Variants in CSMD1 observed in about 807,000 individuals in gnomAD.
CSMD1 encodes CUB and sushi domain-containing protein 1.
In CSMD1, 213 loss-of-function variants were observed where a neutral mutation model predicts 417.5. The observed-to-expected ratio is 0.51, with a 90% CI of 0.46 to 0.57. The LOEUF is 0.57. CSMD1 is among the 20% of genes least tolerant of loss of function. CSMD1 has a pLI of 0.00. For synonymous variants in CSMD1, 2,862 were observed against 1,736.8 expected (o/e 1.65, Z -16.11); for missense variants, 6,923 against 4,529.7 (o/e 1.53, Z -15.17).
chr8:3,087,683 A>G (rs1031028248), intron 48 of CSMD1, among the ~76,000 whole-genome samples: 2 of 152,260 alleles, frequency 1.3e-5, no homozygotes, highest in Non-Finnish European at 2.9e-5. Context: ...ATGTTTTAAG[A>G]AAGTTTACAA....
intron 10 of CSMD1, among the ~76,000 whole-genome samples, chr8:3,494,581 T>C (rs900155687): frequency 6.7e-6 from 1 of 149,720 alleles, no homozygotes; most frequent in African/African-American, 2.5e-5. Context: ...GATAGATAGA[T>C]AGATAGATAG....
chr8:4,238,202 A>G (rs1247739261), intron 3 of CSMD1, among the ~76,000 whole-genome samples: 1 of 152,128 alleles, frequency 6.6e-6, no homozygotes, highest in Non-Finnish European at 1.5e-5. Context: ...CGATATTAAC[A>G]CACTCCCACC....
intron 5 of CSMD1, among the ~76,000 whole-genome samples, chr8:3,876,592 C>A (rs1805839723): frequency 6.6e-6 from 1 of 152,032 alleles, no homozygotes; most frequent in African/African-American, 2.4e-5. Flanking sequence ...TTTTATCATG[C>A]TTCATGGTAT....
chr8:4,452,977 G>A (rs993712339), intron 2 of CSMD1, among the ~76,000 whole-genome samples: 3 of 152,214 alleles, frequency 2.0e-5, no homozygotes, highest in Middle Eastern at 3.4e-3. Context: ...TTTGTTTCTG[G>A]AGTTGCAGAG....
chr8:4,079,573 A>G (rs1281930188), intron 3 of CSMD1, among the ~76,000 whole-genome samples: 1 of 152,212 alleles, frequency 6.6e-6, no homozygotes, highest in Non-Finnish European at 1.5e-5. Flanking sequence ...CTTCACTTTA[A>G]AGTAAAAACA....
At chr8:3,468,963 G>C in intron 11 of CSMD1, 139 bp from the exon 12 acceptor site, 1 of 567,484 alleles carries the variant, frequency 1.8e-6, no homozygotes, top group Middle Eastern at 4.7e-4. Flanking sequence ...AGACTGTACA[G>C]CCTCTGGTCC....
intron 68 of CSMD1, among the ~76,000 whole-genome samples, chr8:2,948,931 T>G (rs1251973710): frequency 6.6e-6 from 1 of 151,904 alleles, no homozygotes; most frequent in Non-Finnish European, 1.5e-5. Flanking sequence ...CTGAAGATCT[T>G]TTTATATGTT....
At chr8:4,314,272 T>G (rs929336212) in intron 3 of CSMD1, among the ~76,000 whole-genome samples, 1 of 152,102 alleles carries the variant, frequency 6.6e-6, no homozygotes, top group African/African-American at 2.4e-5. Context: ...AAACTCTTAG[T>G]TACAATCGAC....
intron 2 of CSMD1, among the ~76,000 whole-genome samples, chr8:4,583,127 C>G (rs1359276876): frequency 6.6e-6 from 1 of 152,202 alleles, no homozygotes; most frequent in African/African-American, 2.4e-5. Flanking sequence ...CCATGGGCTC[C>G]TGTGCGGCCC....
intron 5 of CSMD1, among the ~76,000 whole-genome samples, chr8:3,957,411 C>G (rs1339846381): frequency 6.6e-6 from 1 of 152,166 alleles, no homozygotes; most frequent in Admixed American, 6.5e-5. Flanking sequence ...GGAGCAGTGG[C>G]TCCCACCTGT....
chr8:3,070,622 A>G (rs1813267824), intron 49 of CSMD1, among the ~76,000 whole-genome samples: 1 of 152,198 alleles, frequency 6.6e-6, no homozygotes, highest in South Asian at 2.1e-4. Context: ...TCTCATTTCC[A>G]TCTGAGACCC....
intron 1 of CSMD1, among the ~76,000 whole-genome samples, chr8:4,844,158 G>A (rs1027577989): frequency 6.6e-6 from 1 of 152,064 alleles, no homozygotes; most frequent in Non-Finnish European, 1.5e-5. Context: ...AACCAAATAT[G>A]AGTCAAGTTC....
intron 3 of CSMD1, among the ~76,000 whole-genome samples, chr8:4,124,209 C>A (rs1444510471): frequency 6.6e-6 from 1 of 152,060 alleles, no homozygotes; most frequent in Admixed American, 6.5e-5. Context: ...CAGGAGGAAG[C>A]TTCAGGGCTC....
intron 2 of CSMD1, among the ~76,000 whole-genome samples, chr8:4,611,391 CT>C (rs1801160708): frequency 6.6e-6 from 1 of 152,194 alleles, no homozygotes. Flanking sequence ...CACTGGCTAT[CT>C]GGTTAGTTCT....
At chr8:3,347,346 G>A (rs954766216) in intron 22 of CSMD1, among the ~76,000 whole-genome samples, 2 of 152,198 alleles carry the variant, frequency 1.3e-5, no homozygotes, top group Non-Finnish European at 2.9e-5. Flanking sequence ...ACTCTTAGAA[G>A]TTAAGGGCAT....
intron 3 of CSMD1, among the ~76,000 whole-genome samples, chr8:4,205,805 G>T (rs543924398): frequency 1.3e-5 from 2 of 151,996 alleles, no homozygotes; most frequent in Admixed American, 1.3e-4. Flanking sequence ...ATTTGTGGGG[G>T]TAAAAATGGA....
chr8:3,513,937 G>A (rs748543753), intron 10 of CSMD1, among the ~76,000 whole-genome samples: 3 of 152,240 alleles, frequency 2.0e-5, no homozygotes, highest in Non-Finnish European at 4.4e-5. Context: ...GGGGCCATTA[G>A]AAGTGAGAGT....
chr8:4,085,237 G>A (rs749972235), intron 3 of CSMD1, among the ~76,000 whole-genome samples: 1 of 152,034 alleles, frequency 6.6e-6, no homozygotes, highest in Admixed American at 6.6e-5. Context: ...ATTGATTTAG[G>A]GACCCTGACA....
chr8:4,434,812 C>T (rs1484528331), intron 2 of CSMD1, among the ~76,000 whole-genome samples: 3 of 152,180 alleles, frequency 2.0e-5, no homozygotes, highest in Non-Finnish European at 2.9e-5. Context: ...TGAAGCCCTA[C>T]TTCACCAGGG....
Sources: gnomAD v4.1 joint callset for allele counts (sites outside exome capture counted in the v4.1 genomes callset) on GRCh38, gnomAD v4.1.1 for gene constraint, MANE v1.5 for transcripts, NCBI Gene and HGNC (gene_info 2026-07-23, HGNC 2026-07-21) for gene names.